ADAMTS16: variants seen among roughly 807,000 people sequenced by gnomAD.
ADAMTS16 encodes ADAM metallopeptidase with thrombospondin type 1 motif 16, also known as A disintegrin and metalloproteinase with thrombospondin motifs 16.
A neutral mutation model predicts 145.8 loss-of-function variants in ADAMTS16; 94 were observed. That is an observed-to-expected ratio of 0.64 (90% CI 0.55 to 0.77). ADAMTS16 has a LOEUF of 0.77. ADAMTS16 is among the 30% of genes least tolerant of loss of function. The pLI, the probability that ADAMTS16 is intolerant of heterozygous loss-of-function variation, is 0.00. For missense variants in ADAMTS16, 1,585 were observed against 1,591.5 expected (o/e 1.00, Z 0.07); for synonymous variants, 659 against 604.3 (o/e 1.09, Z -1.33).
intron 3 of ADAMTS16, among the ~76,000 whole-genome samples, chr5:5,151,275 G>T (rs879874561): frequency 5.3e-5 from 8 of 151,094 alleles, no homozygotes; most frequent in Admixed American, 4.6e-4. Flanking sequence ...GTCTCACCCT[G>T]TTGCCCAGGC....
intron 8 of ADAMTS16, 114 bp downstream of exon 8, chr5:5,191,904 A>C: frequency 1.4e-6 from 1 of 719,332 alleles, no homozygotes; most frequent in Non-Finnish European, 2.4e-6. Context: ...CATATATCCA[A>C]CGAGAATGCC....
chr5:5,217,963 G>A (rs1280818358), intron 10 of ADAMTS16, among the ~76,000 whole-genome samples: 1 of 152,168 alleles, frequency 6.6e-6, no homozygotes, highest in Non-Finnish European at 1.5e-5. Context: ...CAGCATCCTA[G>A]GTACTGTTGT....
At chr5:5,142,178 T>C (rs1335533579) in intron 2 of ADAMTS16, 4 of 152,024 alleles carry the variant, frequency 2.6e-5, no homozygotes, top group Non-Finnish European at 4.4e-5. Context: ...TAAAACACAT[T>C]ATAGACACAG....
chr5:5,250,969 T>C (rs1241497533), intron 17 of ADAMTS16, among the ~76,000 whole-genome samples: 1 of 152,054 alleles, frequency 6.6e-6, no homozygotes, highest in Non-Finnish European at 1.5e-5. Flanking sequence ...ATAGCAGTGG[T>C]GGACAGAGAG....
At chr5:5,220,014 C>T (rs928543620) in intron 10 of ADAMTS16, among the ~76,000 whole-genome samples, 5 of 152,224 alleles carry the variant, frequency 3.3e-5, no homozygotes, top group East Asian at 1.9e-4. Flanking sequence ...TGTTATTGTA[C>T]GTAAAGCTTT....
chr5:5,160,538 C>T (rs1344531335), intron 3 of ADAMTS16, among the ~76,000 whole-genome samples: 1 of 152,110 alleles, frequency 6.6e-6, no homozygotes, highest in African/African-American at 2.4e-5. Context: ...GAAGAATTAT[C>T]TATGCCCACG....
chr5:5,290,755 T>A (rs1032551365), intron 18 of ADAMTS16, among the ~76,000 whole-genome samples: 1 of 152,224 alleles, frequency 6.6e-6, no homozygotes, highest in African/African-American at 2.4e-5. Context: ...GTTTTTAATA[T>A]CATTTTTCTG....
At chr5:5,170,179 A>T (rs1195980385) in intron 3 of ADAMTS16, among the ~76,000 whole-genome samples, 2 of 152,074 alleles carry the variant, frequency 1.3e-5, no homozygotes, top group Non-Finnish European at 2.9e-5. Context: ...GTATACGAGG[A>T]TTCCCTCTTC....
At chr5:5,245,646 T>C (rs988345147) in intron 17 of ADAMTS16, among the ~76,000 whole-genome samples, 1 of 152,194 alleles carries the variant, frequency 6.6e-6, no homozygotes. Flanking sequence ...AGAAGACAGC[T>C]GGAAAATTTC....
At chr5:5,204,434 A>G (rs1350383695) in intron 9 of ADAMTS16, among the ~76,000 whole-genome samples, 2 of 152,140 alleles carry the variant, frequency 1.3e-5, no homozygotes, top group Admixed American at 1.3e-4. Context: ...TATGCAGATC[A>G]AGATACAGAG....
chr5:5,271,959 G>T (rs187942356), intron 18 of ADAMTS16, among the ~76,000 whole-genome samples: 1 of 152,268 alleles, frequency 6.6e-6, no homozygotes, highest in Admixed American at 6.5e-5. Flanking sequence ...GCACACTCTA[G>T]AAATGAAAGA....
chr5:5,176,135 T>A (rs1735189742), intron 3 of ADAMTS16: 1 of 152,248 alleles, frequency 6.6e-6, no homozygotes, highest in South Asian at 2.1e-4. Context: ...AGCAGTCTTG[T>A]GCTGTTCCTC....
chr5:5,202,269 G>A (rs1036435406), intron 9 of ADAMTS16, among the ~76,000 whole-genome samples: 4 of 152,026 alleles, frequency 2.6e-5, no homozygotes, highest in African/African-American at 9.7e-5. Flanking sequence ...AGGAACAACT[G>A]TGTTTCATAG....
intron 10 of ADAMTS16, among the ~76,000 whole-genome samples, chr5:5,216,952 C>A (rs975056438): frequency 7.9e-5 from 12 of 151,676 alleles, no homozygotes; most frequent in East Asian, 1.9e-4. Flanking sequence ...TTTTTTATGG[C>A]TGCATAGTAT....
At chr5:5,147,437 G>A (rs1166144995) in intron 3 of ADAMTS16, among the ~76,000 whole-genome samples, 6 of 152,174 alleles carry the variant, frequency 3.9e-5, no homozygotes, top group Admixed American at 3.9e-4. Flanking sequence ...GATTTTGTGT[G>A]TGTGAATTTT....
chr5:5,232,604 T>C (rs1008259876), intron 12 of ADAMTS16, 88 bp downstream of exon 12: 10 of 690,282 alleles, frequency 1.4e-5, no homozygotes, highest in Admixed American at 4.1e-5. Context: ...TCAGCTCTTT[T>C]TTTTTTTTTT....
In ADAMTS16 at chr5:5,239,132, G is replaced by A; in HGVS notation, c.2155-19G>A. 1 of 1,496,098 alleles carries A rather than the reference G, an allele frequency of 6.7e-7. No homozygotes were observed. The highest frequency in any genetic ancestry group is 8.9e-7 in the Non-Finnish European group (1 of 1,122,324). 92.7% of individuals were successfully genotyped at this position (1,496,098 alleles called of 1,614,324 possible). On this transcript the variant is annotated intron_variant, in intron 14 of 22. Transcript: ENST00000274181. The stretch of plus-strand genomic sequence containing the variant: ...GTCCTTTCTTTCATGAATGACATGT[G>A]ACCTCATGGGCCCTCCAGAGAGTTG...
chr5:5,267,897 C>T (rs1738305102), intron 18 of ADAMTS16, among the ~76,000 whole-genome samples: 1 of 152,178 alleles, frequency 6.6e-6, no homozygotes. Context: ...TTTGCTTTGT[C>T]CACTAATACA....
At chr5:5,168,119 C>T (rs964101129) in intron 3 of ADAMTS16, among the ~76,000 whole-genome samples, 3 of 152,104 alleles carry the variant, frequency 2.0e-5, no homozygotes, top group African/African-American at 7.2e-5. Flanking sequence ...ACAACAAATT[C>T]ACTAATGTAA....
Sources: gnomAD v4.1 joint callset for allele counts (sites outside exome capture counted in the v4.1 genomes callset) on GRCh38, gnomAD v4.1.1 for gene constraint, MANE v1.5 for transcripts, NCBI Gene and HGNC (gene_info 2026-07-23, HGNC 2026-07-21) for gene names.